The following SYN3 variants were observed in gnomAD, a reference collection of about 807,000 sequenced individuals.
The protein encoded by SYN3 is synapsin III.
SYN3 carries 35 observed loss-of-function variants against 65.8 expected under a neutral mutation model. The observed-to-expected ratio is 0.53, with a 90% CI of 0.41 to 0.70. The LOEUF (loss-of-function observed/expected upper bound fraction) is 0.70, where lower values mean the gene tolerates loss of function less well. Among genes scored for constraint, SYN3 ranks in the 30% least tolerant of loss-of-function variants. The probability of loss-of-function intolerance (pLI) is 0.00; values close to 1 mark genes in which losing one functional copy is unlikely to be tolerated. For synonymous variants in SYN3, 270 were observed against 292.9 expected, an observed-to-expected ratio of 0.92 and a Z score of 0.80; for missense variants, 680 against 749.0, an observed-to-expected ratio of 0.91 and a Z score of 1.08.
At position 32,618,972 on chromosome 22, in the gene SYN3, T is replaced by C. The variant is rs141797389; in HGVS notation, c.712-22236A>G. ...GTAAAATGGGTCTAAGCTGAAGGACTGCAAAATAATAGAGAGGACTCTAAA... is the reference window on the plus strand; with the variant it reads ...GTAAAATGGGTCTAAGCTGAAGGACCGCAAAATAATAGAGAGGACTCTAAA... On this transcript the variant is annotated intron_variant, in intron 6 of 13. Transcript: ENST00000358763. Among the ~76,000 whole-genome samples the C allele has an allele frequency of 3.5e-3, 538 of 152,310 alleles. 4 individuals carry two copies. Among genetic ancestry groups the C allele is most frequent in the African/African-American group, 0.012 (501 of 41,572 alleles).
chr22:32,742,208 G>A (rs961463145), intron 6 of SYN3, among the ~76,000 whole-genome samples: 98 of 152,216 alleles, frequency 6.4e-4, no homozygotes, highest in African/African-American at 2.0e-3. Flanking sequence ...CCCGGGAAGC[G>A]GAGCTGGCAG....
chr22:32,664,584 CTTTTTT>C (rs71320943), intron 6 of SYN3, among the ~76,000 whole-genome samples: 11 of 69,050 alleles, frequency 1.6e-4, no homozygotes, highest in African/African-American at 5.2e-4. Flanking sequence ...CAATTGGTCG[CTTTTTT>C]TTTTTTTTTT....
chr22:32,641,577 C>T (rs1250313757), intron 6 of SYN3, among the ~76,000 whole-genome samples: 1 of 137,366 alleles, frequency 7.3e-6, no homozygotes, highest in Non-Finnish European at 1.5e-5. Flanking sequence ...CACTGCACTC[C>T]AGCCTGGGCG....
chr22:32,655,243 G>A (rs1416684151), intron 6 of SYN3, among the ~76,000 whole-genome samples: 3 of 152,186 alleles, frequency 2.0e-5, no homozygotes, highest in African/African-American at 7.2e-5. Context: ...CCCTCTTTGA[G>A]GCAGAGCGTC....
chr22:32,971,278 T>C (rs1308196752), intron 3 of SYN3, among the ~76,000 whole-genome samples: 1 of 152,178 alleles, frequency 6.6e-6, no homozygotes, highest in Non-Finnish European at 1.5e-5. Context: ...TAATGGGCCC[T>C]AGTATTCCAC....
intron 6 of SYN3, among the ~76,000 whole-genome samples, chr22:32,603,356 C>CA (rs10670581): frequency 0.085 from 10,661 of 125,920 alleles, 1,351 homozygotes; most frequent in African/African-American, 0.27. Flanking sequence ...ACTAAAAATA[C>CA]AAAAAAAAAA....
Position 32,843,489 on chromosome 22 carries a change from A to G in SYN3, c.711+21426T>C, listed in dbSNP as rs570396634. Among the ~76,000 whole-genome samples, 29 of 152,194 alleles carry G rather than the reference A, an allele frequency of 1.9e-4. No homozygotes were observed. The South Asian group carries it at 5.8e-3, about 31-fold the overall frequency. ...AGGCCGACCTCCCTGTGGGTCCCTG[A>G]CCTATTGCCTTTGCCATGAGCACTC... On this transcript the variant is annotated intron_variant, in intron 6 of 13. Transcript: ENST00000358763.
intron 6 of SYN3, among the ~76,000 whole-genome samples, chr22:32,599,767 G>A (rs1337355883): frequency 2.6e-5 from 4 of 152,102 alleles, no homozygotes; most frequent in African/African-American, 9.7e-5. Flanking sequence ...CAATTGCGTG[G>A]GCACGACTGA....
At chr22:32,958,588 GTTTTGTT>G (rs947758206) in intron 3 of SYN3, among the ~76,000 whole-genome samples, 30 of 152,280 alleles carry the variant, frequency 2.0e-4, no homozygotes, top group Admixed American at 3.9e-4. Flanking sequence ...ATCTATCATA[GTTTTGTT>G]TTTTGTTTTT....
chr22:33,039,750 C>T (rs534608648), intron 1 of SYN3, among the ~76,000 whole-genome samples: 5 of 152,174 alleles, frequency 3.3e-5, no homozygotes, highest in African/African-American at 1.2e-4. Context: ...TCTCAACACC[C>T]CTCTCTCTTT....
intron 7 of SYN3, among the ~76,000 whole-genome samples, chr22:32,569,738 T>A (rs2058734346): frequency 1.3e-5 from 2 of 152,110 alleles, no homozygotes; most frequent in African/African-American, 2.4e-5. Context: ...CTTGGGACAT[T>A]TCTTAACTTC....
At chr22:32,599,799 A>T (rs1250274154) in intron 6 of SYN3, among the ~76,000 whole-genome samples, 1 of 152,152 alleles carries the variant, frequency 6.6e-6, no homozygotes, top group Non-Finnish European at 1.5e-5. Context: ...GTGGCTAGTT[A>T]TGTGTCTTGT....
chr22:32,658,929 C>G (rs1195172746), intron 6 of SYN3, among the ~76,000 whole-genome samples: 1 of 152,202 alleles, frequency 6.6e-6, no homozygotes, highest in Non-Finnish European at 1.5e-5. Context: ...TACCACATGA[C>G]AGGCGCTATT....
intron 6 of SYN3, among the ~76,000 whole-genome samples, chr22:32,767,628 C>T (rs886269160): frequency 2.0e-5 from 3 of 152,154 alleles, no homozygotes; most frequent in East Asian, 3.8e-4. Context: ...AACATTATTC[C>T]ACTGTCTTTG....
intron 6 of SYN3, among the ~76,000 whole-genome samples, chr22:32,780,979 C>CCTTCCTTCCT (rs1569219327): frequency 5.4e-4 from 43 of 79,706 alleles, no homozygotes; most frequent in African/African-American, 1.7e-3. Context: ...CCTTCCTTCC[C>CCTTCCTTCCT]TCCTTCCTTC....
chr22:32,589,386 G>A (rs186683151), intron 7 of SYN3, among the ~76,000 whole-genome samples: 31 of 152,288 alleles, frequency 2.0e-4, no homozygotes, highest in East Asian at 7.7e-4. Context: ...CTGGTCAGGC[G>A]ACTAATGAGA....
chr22:32,672,278 C>G (rs1159457510), intron 6 of SYN3, among the ~76,000 whole-genome samples: 1 of 152,138 alleles, frequency 6.6e-6, no homozygotes, highest in Non-Finnish European at 1.5e-5. Flanking sequence ...ACTGATCCAT[C>G]TTTAAATACA....
intron 6 of SYN3, among the ~76,000 whole-genome samples, chr22:32,781,629 AGCAAACACC>A (rs2046066755): frequency 1.3e-5 from 2 of 151,714 alleles, no homozygotes; most frequent in African/African-American, 4.8e-5. Context: ...TTATTATATT[AGCAAACACC>A]TAAGGAGGTG....
intron 1 of SYN3, among the ~76,000 whole-genome samples, chr22:33,014,073 TAAAAA>T (rs133952): frequency 7.7e-6 from 1 of 129,810 alleles, no homozygotes; most frequent in African/African-American, 2.9e-5. Flanking sequence ...CCCAGCTAGT[TAAAAA>T]AAAAAAAAAA....
Sources: allele counts gnomAD v4.1 joint callset (sites outside exome capture counted in the v4.1 genomes callset), GRCh38; gene constraint gnomAD v4.1.1; transcripts MANE v1.5; gene names NCBI Gene and HGNC (gene_info 2026-07-23, HGNC 2026-07-21).